PKN2: variants seen among roughly 807,000 people sequenced by gnomAD.
The protein encoded by PKN2 is protein kinase N2, also known as serine/threonine-protein kinase N2.
A neutral mutation model predicts 119.1 loss-of-function variants in PKN2; 38 were observed. The observed-to-expected ratio is 0.32, with a 90% confidence interval of 0.25 to 0.42. The LOEUF (loss-of-function observed/expected upper bound fraction) is 0.42, where lower values mean the gene tolerates loss of function less well. Among genes scored for constraint, PKN2 ranks in the 10% least tolerant of loss-of-function variants. The pLI is 1.00. For synonymous variants in PKN2, 390 were observed against 384.9 expected (o/e 1.01, Z -0.15); for missense variants, 850 against 1,165.1 (o/e 0.73, Z 3.94).
intron 2 of PKN2, among the ~76,000 whole-genome samples, chr1:88,750,909 A>G (rs1219099705): frequency 6.6e-6 from 1 of 152,172 alleles, no homozygotes; most frequent in Non-Finnish European, 1.5e-5. Flanking sequence ...GTACAAGTTC[A>G]GTATTTCTTT....
At chr1:88,812,064 G>T (rs1359671763) in intron 15 of PKN2, among the ~76,000 whole-genome samples, 5 of 152,196 alleles carry the variant, frequency 3.3e-5, no homozygotes, top group Admixed American at 1.3e-4. Context: ...AATAAAGTTG[G>T]ATTGTTGCAT....
intron 8 of PKN2, among the ~76,000 whole-genome samples, chr1:88,792,416 A>G (rs2100844596): frequency 6.6e-6 from 1 of 152,246 alleles, no homozygotes; most frequent in East Asian, 1.9e-4. Flanking sequence ...AAATAAATAA[A>G]TAAATAAATA....
chr1:88,717,952 A>T (rs949357840), intron 1 of PKN2, among the ~76,000 whole-genome samples: 1 of 152,076 alleles, frequency 6.6e-6, no homozygotes, highest in African/African-American at 2.4e-5. Context: ...TTGGTCTTTG[A>T]TGATGGTGAC....
intron 2 of PKN2, among the ~76,000 whole-genome samples, chr1:88,744,961 C>T (rs902293891): frequency 1.3e-5 from 2 of 152,122 alleles, no homozygotes; most frequent in African/African-American, 4.8e-5. Context: ...ATACTCTGAG[C>T]TTCTTGTTCA....
At chr1:88,747,618 A>T (rs1026479706) in intron 2 of PKN2, among the ~76,000 whole-genome samples, 1 of 152,064 alleles carries the variant, frequency 6.6e-6, no homozygotes, top group Non-Finnish European at 1.5e-5. Context: ...ACATTTTTTA[A>T]TATTTTATTA....
chr1:88,780,646 A>G (rs1670297699), intron 6 of PKN2, among the ~76,000 whole-genome samples: 2 of 152,166 alleles, frequency 1.3e-5, no homozygotes, highest in African/African-American at 4.8e-5. Flanking sequence ...CCAGCACAGG[A>G]TATTTGATAC....
rs1670560914 is a variant in PKN2 at position 88,786,089 on chromosome 1, A to G, written c.1172-15A>G. The G allele has an allele frequency of 6.5e-7, 1 of 1,526,980 alleles. No homozygotes were observed. The highest frequency in any genetic ancestry group is 9.1e-7 in the Non-Finnish European group (1 of 1,104,150). The allele number at this position is 1,526,980 out of a possible 1,614,324, so 94.6% of individuals were successfully genotyped here. Reference sequence around the variant, plus strand: ...GTTTAAAGTTTTTAAGCAAGTTTGTAAATTTTAATTACAGATGATGTCTGT... The same window carrying G: ...GTTTAAAGTTTTTAAGCAAGTTTGTGAATTTTAATTACAGATGATGTCTGT... On this transcript the variant is annotated splice_polypyrimidine_tract_variant and intron_variant, in intron 7 of 21. Coordinates refer to ENST00000370521, the MANE Select transcript of PKN2 (RefSeq NM_006256.4).
chr1:88,791,891 A>G (rs554090056), intron 8 of PKN2, among the ~76,000 whole-genome samples: 1 of 152,352 alleles, frequency 6.6e-6, no homozygotes, highest in Non-Finnish European at 1.5e-5. Flanking sequence ...GCATGCAGCC[A>G]CCATACCTGG....
chr1:88,733,992 T>C (rs1302014197), intron 1 of PKN2, among the ~76,000 whole-genome samples: 1 of 152,024 alleles, frequency 6.6e-6, no homozygotes, highest in Non-Finnish European at 1.5e-5. Flanking sequence ...AGACCCTGTC[T>C]TTACAAAAGA....
intron 6 of PKN2, among the ~76,000 whole-genome samples, chr1:88,775,713 G>T (rs1670067309): frequency 6.6e-6 from 1 of 152,038 alleles, no homozygotes; most frequent in African/African-American, 2.4e-5. Context: ...CTCTCTTTAT[G>T]CACCATATAC....
chr1:88,806,457 A>T (rs1357249611), intron 12 of PKN2, among the ~76,000 whole-genome samples: 3 of 152,092 alleles, frequency 2.0e-5, no homozygotes, highest in East Asian at 1.9e-4. Context: ...GGCATGAGCC[A>T]CTGCACCCAG....
At chr1:88,739,430 T>C (rs1012235237) in intron 1 of PKN2, among the ~76,000 whole-genome samples, 1 of 152,180 alleles carries the variant, frequency 6.6e-6, no homozygotes, top group African/African-American at 2.4e-5. Context: ...AAGCTCACCC[T>C]TTTCACTATT....
intron 6 of PKN2, chr1:88,781,200 T>C: frequency 8.0e-7 from 1 of 1,255,742 alleles, no homozygotes; most frequent in African/African-American, 1.5e-5. Context: ...CACTGCATGC[T>C]ATTATTTGTG....
chr1:88,771,295 G>A (rs192292791), intron 4 of PKN2, 126 bp from the exon 5 acceptor site: 74 of 556,610 alleles, frequency 1.3e-4, no homozygotes, highest in African/African-American at 1.3e-3. Context: ...TTTTATTTCA[G>A]TGTTTATTGA....
At chr1:88,810,463 C>T (rs746432675) in intron 15 of PKN2, among the ~76,000 whole-genome samples, 3 of 152,008 alleles carry the variant, frequency 2.0e-5, no homozygotes, top group Non-Finnish European at 2.9e-5. Context: ...TCATTACTTG[C>T]AAGTATAAAT....
intron 9 of PKN2, 121 bp from the exon 10 acceptor site, chr1:88,804,725 A>G (rs1286585903): frequency 1.3e-6 from 1 of 755,998 alleles, no homozygotes; most frequent in Admixed American, 2.9e-5. Flanking sequence ...TTTCTCATGT[A>G]GAAAATGAGG....
intron 11 of PKN2, 79 bp downstream of exon 11, chr1:88,805,750 G>A (rs1277861223): frequency 3.8e-6 from 6 of 1,598,558 alleles, no homozygotes; most frequent in Non-Finnish European, 5.1e-6. Flanking sequence ...CAGGTGTACT[G>A]AGTCTTGCTT....
intron 1 of PKN2, among the ~76,000 whole-genome samples, chr1:88,727,779 TG>T (rs773602823): frequency 2.0e-5 from 3 of 152,154 alleles, no homozygotes; most frequent in Non-Finnish European, 4.4e-5. Context: ...ATAGGTGAAG[TG>T]TACAAATCTT....
intron 6 of PKN2, among the ~76,000 whole-genome samples, chr1:88,773,025 G>A (rs570703335): frequency 2.6e-5 from 4 of 151,928 alleles, no homozygotes; most frequent in African/African-American, 9.7e-5. Context: ...TCTTCTAGAC[G>A]GATTGACTCC....
Sources: gnomAD v4.1 joint callset for allele counts (sites outside exome capture counted in the v4.1 genomes callset) on GRCh38, gnomAD v4.1.1 for gene constraint, MANE v1.5 for transcripts, NCBI Gene and HGNC (gene_info 2026-07-23, HGNC 2026-07-21) for gene names.